Variants in FAM181B observed in about 807,000 individuals in gnomAD.
The protein encoded by FAM181B is protein FAM181B.
In FAM181B, 13 loss-of-function variants were observed where a neutral mutation model predicts 17.8. The observed-to-expected ratio is 0.73, with a 90% CI of 0.48 to 1.16. The LOEUF (loss-of-function observed/expected upper bound fraction) is 1.16, where lower values mean the gene tolerates loss of function less well. Among genes scored for constraint, FAM181B ranks in the 50% most tolerant of loss-of-function variants. The pLI, the probability that FAM181B is intolerant of heterozygous loss-of-function variation, is 0.00. For missense variants in FAM181B, 725 were observed against 634.1 expected, an observed-to-expected ratio of 1.14 and a Z score of -1.54; for synonymous variants, 338 against 316.5, an observed-to-expected ratio of 1.07 and a Z score of -0.72.
Position 82,733,424 on chromosome 11 carries a change from C to T in FAM181B, c.306G>A (p.Lys102=). The T allele has an allele frequency of 6.4e-7, 1 of 1,563,114 alleles. No homozygotes were observed. The highest frequency in any genetic ancestry group is 8.7e-7 in the Non-Finnish European group (1 of 1,155,038). The part of the protein sequence containing the change: ...NHRKYLQKQI[K]RCSGLMGAAP... Reference sequence around the variant, plus strand: ...CGGCGCCCATGAGGCCGCTGCAGCGCTTGATCTGCTTCTGCAGGTACTTGC... The same window carrying T: ...CGGCGCCCATGAGGCCGCTGCAGCGTTTGATCTGCTTCTGCAGGTACTTGC... Residue 102 remains lysine, a synonymous_variant, in exon 1 of 1, where the codon AAG becomes AAA. Coordinates refer to ENST00000329203, the MANE Select transcript of FAM181B (RefSeq NM_175885.4).
At position 82,732,820 on chromosome 11, in the gene FAM181B, C is replaced by T. The variant is rs761300963; in HGVS notation, c.910G>A (p.Glu304Lys). Residue 304 changes from glutamate to lysine, a missense_variant, in exon 1 of 1, where the codon GAG (glutamate) becomes AAG (lysine). Glu to Lys is a moderately conservative substitution (Grantham distance 56). Coordinates refer to ENST00000329203, the MANE Select transcript of FAM181B (RefSeq NM_175885.4). ...GGCGGCGGCTCAAAGAGGCCGGGCT[C>T]CAGCTCCGGGGGTCCCCGCAGTACG... ...ASVLRGPPEL[E>K]PGLFEPPPAV... 2.6e-6 allele frequency: 4 copies of T among 1,522,330 alleles called. No homozygotes were observed. The highest frequency in any genetic ancestry group is 2.5e-5 in the South Asian group (2 of 80,214). The allele number at this position is 1,522,330 out of a possible 1,614,324, so 94.3% of individuals were successfully genotyped here.
In FAM181B at chr11:82,732,655, C is replaced by A; in HGVS notation, c.1075G>T (p.Asp359Tyr). Reference sequence around the variant, plus strand: ...CGCCCGTCCTCCCCGCCGGGAGAATCCGCAGCGGCGGGGTACAGGGGGCTC... The same window carrying A: ...CGCCCGTCCTCCCCGCCGGGAGAATACGCAGCGGCGGGGTACAGGGGGCTC... ...PLSPLYPAAA[D>Y]SPGGEDGRGH... The change falls in exon 1 of 1, where the codon GAT (aspartate) becomes TAT (tyrosine). Residue 359 changes from aspartate (D) to tyrosine (Y), a missense_variant. Physicochemically the swap from Asp to Tyr is radical, Grantham distance 160. Coordinates refer to ENST00000329203, the MANE Select transcript of FAM181B (RefSeq NM_175885.4). 1 of 1,496,674 alleles carries A rather than the reference C, an allele frequency of 6.7e-7. No homozygotes were observed. The highest frequency in any genetic ancestry group is 8.9e-7 in the Non-Finnish European group (1 of 1,121,194). The allele number at this position is 1,496,674 out of a possible 1,614,324, so 92.7% of individuals were successfully genotyped here. A position where few individuals can be genotyped will look rare whatever the true frequency, so the allele number is the denominator to read the frequency against.
chr11:82,732,629 C>G lies in FAM181B; in HGVS notation c.1101G>C (p.Arg367=). 6.5e-7 allele frequency: 1 copy of G among 1,534,330 alleles called. No individual in the cohort carries two copies. The highest frequency in any genetic ancestry group is 1.4e-5 in the African/African-American group (1 of 73,020). ...AGGGGGCGAAAGAGGCCAAATGGCC[C>G]CGCCCGTCCTCCCCGCCGGGAGAAT... The part of the protein sequence containing the change: ...AADSPGGEDG[R]GHLASFAPFF... Residue 367 remains arginine, a synonymous_variant, in exon 1 of 1, where the codon CGG becomes CGC. Transcript: ENST00000329203.
In FAM181B at chr11:82,732,812, G is replaced by A. The variant is rs1312991746; in HGVS notation, c.918C>T (p.Gly306=). The change falls in exon 1 of 1, where the codon GGC becomes GGT. Residue 306 remains glycine, a synonymous_variant. Transcript: ENST00000329203. ...VLRGPPELEP[G]LFEPPPAVVG... ...CCACTGCCGGCGGCGGCTCAAAGAG[G>A]CCGGGCTCCAGCTCCGGGGGTCCCC... The A allele has an allele frequency of 6.6e-7, 1 of 1,516,418 alleles. No individual in the cohort carries two copies. Among genetic ancestry groups the A allele is most frequent in the Non-Finnish European group, 8.8e-7 (1 of 1,131,468 alleles). The allele number at this position is 1,516,418 out of a possible 1,614,324, so 93.9% of individuals were successfully genotyped here. A position where few individuals can be genotyped will look rare whatever the true frequency, so the allele number is the denominator to read the frequency against.
In FAM181B at chr11:82,733,643, G is replaced by C. The variant is rs759002792; in HGVS notation, c.87C>G (p.Phe29Leu). Residue 29 changes from phenylalanine (F) to leucine (L), a missense_variant, in exon 1 of 1, where the codon TTC becomes TTG. Phe to Leu is a conservative substitution (Grantham distance 22). Transcript: ENST00000329203. The part of the protein sequence containing the change: ...GGSPDGLGGA[F>L]GALDKGCCFE... ...AACAGCAGCCCTTGTCCAGGGCTCC[G>C]AAGGCGCCCCCTAGCCCGTCCGGGG... 2 of 1,593,084 alleles carry C rather than the reference G, an allele frequency of 1.3e-6. No homozygotes were observed. The highest frequency in any genetic ancestry group is 1.7e-6 in the Non-Finnish European group (2 of 1,174,716).
At position 82,733,748 on chromosome 11, in the gene FAM181B, G is replaced by C. The variant is rs1398692998; in HGVS notation, c.-19C>G. The C allele has an allele frequency of 5.0e-5, 69 of 1,378,788 alleles. No individual in the cohort carries two copies. The highest frequency in any genetic ancestry group is 6.4e-5 in the Non-Finnish European group (68 of 1,068,546). The allele number at this position is 1,378,788 out of a possible 1,614,324, so 85.4% of individuals were successfully genotyped here. ...CCGCCATCGCCGCGGCTCCCGGGCT[G>C]TCCGCAGCGCTGCCCGTGCGCCCCC... On this transcript the variant is annotated 5_prime_UTR_variant, in exon 1 of 1. Coordinates refer to ENST00000329203, the MANE Select transcript of FAM181B (RefSeq NM_175885.4).
rs1317139949 is a variant in FAM181B at position 82,730,165 on chromosome 11, A to G, written c.*2284T>C. On this transcript the variant is annotated 3_prime_UTR_variant, in exon 1 of 1. Transcript: ENST00000329203. ...TGGAGGAAACCACCCCCATGATCCAATCACCTTCCACTAGGACCTCCCTCG... is the reference window on the plus strand; with the variant it reads ...TGGAGGAAACCACCCCCATGATCCAGTCACCTTCCACTAGGACCTCCCTCG... The G allele has an allele frequency of 6.6e-6, 1 of 152,140 alleles. No homozygotes were observed. The highest frequency in any genetic ancestry group is 1.5e-5 in the Non-Finnish European group (1 of 68,054). 9.4% of individuals were successfully genotyped at this position (152,140 alleles called of 1,614,324 possible). A position where few individuals can be genotyped will look rare whatever the true frequency, so the allele number is the denominator to read the frequency against.
Position 82,733,000 on chromosome 11 carries a change from C to A in FAM181B, c.730G>T (p.Gly244Cys). The change falls in exon 1 of 1, where the codon GGC becomes TGC. Residue 244 changes from glycine to cysteine, a missense_variant. Physicochemically the swap from Gly to Cys is radical, Grantham distance 159 (BLOSUM62 -3). Transcript: ENST00000329203. ...AAGCTCACGTCCGGCCCCGACGGGC[C>A]ACACCCGCCGCCGCCTGCCCGGGAC... ...EPSRAGGGGC[G>C]PSGPDVSLGD... is the part of the protein sequence containing the mutation. 2 of 1,551,126 alleles carry A rather than the reference C, an allele frequency of 1.3e-6. No homozygotes were observed. The highest frequency in any genetic ancestry group is 1.7e-6 in the Non-Finnish European group (2 of 1,159,430).
At position 82,732,740 on chromosome 11, in the gene FAM181B, G is replaced by C. The variant is rs1333509408; in HGVS notation, c.990C>G (p.Ser330=). Residue 330 remains serine (S), a synonymous_variant, in exon 1 of 1, where the codon TCC becomes TCG. Transcript: ENST00000329203. The part of the protein sequence containing the change: ...YPEPWSVPGC[S]PTKKSPLTAP... ...CAGTCAGGGGGCTCTTTTTGGTCGGGGAGCAGCCCGGGACGCTCCAGGGCT... is the reference window on the plus strand; with the variant it reads ...CAGTCAGGGGGCTCTTTTTGGTCGGCGAGCAGCCCGGGACGCTCCAGGGCT... 2.1e-6 allele frequency: 3 copies of C among 1,457,910 alleles called. No homozygotes were observed. The highest frequency in any genetic ancestry group is 2.7e-6 in the Non-Finnish European group (3 of 1,103,984). 90.3% of individuals were successfully genotyped at this position (1,457,910 alleles called of 1,614,324 possible).
Position 82,732,306 on chromosome 11 carries a change from A to C in FAM181B, c.*143T>G. The C allele has an allele frequency of 2.6e-6, 2 of 768,802 alleles. No individual in the cohort carries two copies. Among genetic ancestry groups the C allele is most frequent in the Non-Finnish European group, 4.1e-6 (2 of 484,728 alleles). 47.6% of individuals were successfully genotyped at this position (768,802 alleles called of 1,614,324 possible). The stretch of plus-strand genomic sequence containing the variant: ...AACTCGTCTTCATCTCTTTTTTCTG[A>C]AGTTGCTTTTATTAATTGAATTTTT... On this transcript the variant is annotated 3_prime_UTR_variant, in exon 1 of 1. Coordinates refer to ENST00000329203, the MANE Select transcript of FAM181B (RefSeq NM_175885.4).
chr11:82,732,539 C>G lies in FAM181B; in HGVS notation c.1191G>C (p.Ala397=). The G allele has an allele frequency of 6.2e-7, 1 of 1,612,018 alleles. No homozygotes were observed. Reference sequence around the variant, plus strand: ...TGGAATAGGCGGTGCGGCTGTAGCCCGCGCTGTAATCGTAGGACACCTGAT... The same window carrying G: ...TGGAATAGGCGGTGCGGCTGTAGCCGGCGCTGTAATCGTAGGACACCTGAT... ...PPHQVSYDYS[A]GYSRTAYSSL... is the part of the protein sequence containing the mutation. The change falls in exon 1 of 1, where the codon GCG becomes GCC. Residue 397 remains alanine (A), a synonymous_variant. Coordinates refer to ENST00000329203, the MANE Select transcript of FAM181B (RefSeq NM_175885.4).
At position 82,732,680 on chromosome 11, in the gene FAM181B, C is replaced by T. The variant is rs755290733; in HGVS notation, c.1050G>A (p.Leu350=). 5 of 1,470,736 alleles carry T rather than the reference C, an allele frequency of 3.4e-6. No individual in the cohort carries two copies. 91.1% of individuals were successfully genotyped at this position (1,470,736 alleles called of 1,614,324 possible). A position where few individuals can be genotyped will look rare whatever the true frequency, so the allele number is the denominator to read the frequency against. ...CCGCAGCGGCGGGGTACAGGGGGCT[C>T]AAGGGCTCGTTCAAGGTCAAGCCGC... ...PRGGLTLNEP[L]SPLYPAAADS... is the part of the protein sequence containing the mutation. Residue 350 remains leucine (L), a synonymous_variant, in exon 1 of 1, where the codon TTG becomes TTA. Transcript: ENST00000329203.
At position 82,733,749 on chromosome 11, in the gene FAM181B, T is replaced by A. The variant is rs772686815; in HGVS notation, c.-20A>T. ...CGCCATCGCCGCGGCTCCCGGGCTG[T>A]CCGCAGCGCTGCCCGTGCGCCCCCG... is the stretch of plus-strand genomic sequence containing the variant. On this transcript the variant is annotated 5_prime_UTR_variant, in exon 1 of 1. Coordinates refer to ENST00000329203, the MANE Select transcript of FAM181B (RefSeq NM_175885.4). 9.6e-6 allele frequency: 13 copies of A among 1,349,500 alleles called. No individual in the cohort carries two copies. The South Asian group carries it at 1.8e-4, about 18-fold the overall frequency. 83.6% of individuals were successfully genotyped at this position (1,349,500 alleles called of 1,614,324 possible).
Position 82,733,602 on chromosome 11 carries a change from G to A in FAM181B, c.128C>T (p.Thr43Ile), listed in dbSNP as rs368475342. 201 of 1,602,726 alleles carry A rather than the reference G, an allele frequency of 1.3e-4. No individual in the cohort carries two copies. Among genetic ancestry groups the A allele is most frequent in the Non-Finnish European group, 1.6e-4 (189 of 1,178,690 alleles). Residue 43 changes from threonine to isoleucine, a missense_variant, in exon 1 of 1, where the codon ACC (threonine) becomes ATC (isoleucine). By Grantham distance (89) the Thr-to-Ile change is moderately conservative. Transcript: ENST00000329203. ...CAGCAGCGCACCCGCCGGAGCCCCG[G>A]TCTCATCGTCCTCGAAACAGCAGCC... ...DKGCCFEDDE[T>I]GAPAGALLSG...
In FAM181B at chr11:82,733,419, C is replaced by T; in HGVS notation, c.311G>A (p.Cys104Tyr). 1 of 1,549,210 alleles carries T rather than the reference C, an allele frequency of 6.5e-7. No homozygotes were observed. The highest frequency in any genetic ancestry group is 8.7e-7 in the Non-Finnish European group (1 of 1,148,224). The change falls in exon 1 of 1, where the codon TGC (cysteine) becomes TAC (tyrosine). Residue 104 changes from cysteine to tyrosine, a missense_variant. Physicochemically the swap from Cys to Tyr is radical, Grantham distance 194 (BLOSUM62 -2). Transcript: ENST00000329203. ...RKYLQKQIKR[C>Y]SGLMGAAPPG... ...GGGCGCGGCGCCCATGAGGCCGCTG[C>T]AGCGCTTGATCTGCTTCTGCAGGTA... is the stretch of plus-strand genomic sequence containing the variant.
Position 82,732,460 on chromosome 11 carries a change from G to A in FAM181B, c.1270C>T (p.His424Tyr). The change falls in exon 1 of 1, where the codon CAC (histidine) becomes TAC (tyrosine). Residue 424 changes from histidine (H) to tyrosine (Y), a missense_variant. His to Tyr is a moderately conservative substitution (Grantham distance 83, BLOSUM62 2). Transcript: ENST00000329203. ...WEGAPGEEGAHRD is the reference protein window; with the variant it reads ...WEGAPGEEGAYRD Reference sequence around the variant, plus strand: ...AGCGTGCCTCGAAGTCAGTCCCGGTGCGCCCCCTCCTCCCCCGGCGCCCCT... The same window carrying A: ...AGCGTGCCTCGAAGTCAGTCCCGGTACGCCCCCTCCTCCCCCGGCGCCCCT... 6.2e-7 allele frequency: 1 copy of A among 1,612,858 alleles called. No homozygotes were observed. The highest frequency in any genetic ancestry group is 8.5e-7 in the Non-Finnish European group (1 of 1,179,890).
At position 82,732,633 on chromosome 11, in the gene FAM181B, C is replaced by G; in HGVS notation, c.1097G>C (p.Gly366Ala). ...GGCGAAAGAGGCCAAATGGCCCCGCCCGTCCTCCCCGCCGGGAGAATCCGC... is the reference window on the plus strand; with the variant it reads ...GGCGAAAGAGGCCAAATGGCCCCGCGCGTCCTCCCCGCCGGGAGAATCCGC... ...AAADSPGGED[G>A]RGHLASFAPF... is the part of the protein sequence containing the mutation. The change falls in exon 1 of 1, where the codon GGG becomes GCG. Residue 366 changes from glycine to alanine, a missense_variant. Transcript: ENST00000329203. 1 of 1,515,868 alleles carries G rather than the reference C, an allele frequency of 6.6e-7. No individual in the cohort carries two copies. Among genetic ancestry groups the G allele is most frequent in the African/African-American group, 1.4e-5 (1 of 72,318 alleles). 93.9% of individuals were successfully genotyped at this position (1,515,868 alleles called of 1,614,324 possible). A position where few individuals can be genotyped will look rare whatever the true frequency, so the allele number is the denominator to read the frequency against.
At position 82,730,389 on chromosome 11, in the gene FAM181B, A is replaced by T. The variant is rs1009777054; in HGVS notation, c.*2060T>A. The stretch of plus-strand genomic sequence containing the variant: ...GGAGAGAGATAACCTGTTTTACTAC[A>T]CTAGGTAAGAAAGGAGAGGAGAATT... On this transcript the variant is annotated 3_prime_UTR_variant, in exon 1 of 1. Coordinates refer to ENST00000329203, the MANE Select transcript of FAM181B (RefSeq NM_175885.4). The T allele has an allele frequency of 1.3e-5, 2 of 152,226 alleles. No individual in the cohort carries two copies. The highest frequency in any genetic ancestry group is 4.8e-5 in the African/African-American group (2 of 41,452). 9.4% of individuals were successfully genotyped at this position (152,226 alleles called of 1,614,324 possible).
rs765680971 is a variant in FAM181B at position 82,733,636 on chromosome 11, G to T, written c.94C>A (p.Leu32Met). The T allele has an allele frequency of 6.3e-7, 1 of 1,595,882 alleles. No individual in the cohort carries two copies. Among genetic ancestry groups the T allele is most frequent in the Non-Finnish European group, 8.5e-7 (1 of 1,175,988 alleles). The change falls in exon 1 of 1, where the codon CTG (leucine) becomes ATG (methionine). Residue 32 changes from leucine (L) to methionine (M), a missense_variant. Leu to Met is a conservative substitution (Grantham distance 15). Coordinates refer to ENST00000329203, the MANE Select transcript of FAM181B (RefSeq NM_175885.4). ...TCCTCGAAACAGCAGCCCTTGTCCA[G>T]GGCTCCGAAGGCGCCCCCTAGCCCG... ...PDGLGGAFGA[L>M]DKGCCFEDDE...
Sources: allele counts gnomAD v4.1 joint callset, GRCh38; gene constraint gnomAD v4.1.1; transcripts MANE v1.5; gene names NCBI Gene and HGNC (gene_info 2026-07-23, HGNC 2026-07-21).